Variants in LARGE1 observed in about 807,000 individuals in gnomAD.
LARGE1 encodes the protein LARGE xylosyl- and glucuronyltransferase 1, also known as xylosyl- and glucuronyltransferase LARGE1.
A neutral mutation model predicts 87.6 loss-of-function variants in LARGE1; 43 were observed. The observed-to-expected ratio is 0.49, with a 90% CI of 0.38 to 0.63. The LOEUF (loss-of-function observed/expected upper bound fraction) is 0.63, where lower values mean the gene tolerates loss of function less well. LARGE1 is among the 30% of genes least tolerant of loss of function. The pLI is 0.00. For missense variants in LARGE1, 802 were observed against 1,000.2 expected, an observed-to-expected ratio of 0.80 and a Z score of 2.67; for synonymous variants, 434 against 394.6, an observed-to-expected ratio of 1.10 and a Z score of -1.18.
intron 3 of LARGE1, among the ~76,000 whole-genome samples, chr22:33,644,864 G>A (rs1025974136): frequency 2.0e-5 from 3 of 152,050 alleles, no homozygotes; most frequent in Non-Finnish European, 4.4e-5. Flanking sequence ...GGGTTATGAA[G>A]GACCTCTTCA....
At chr22:33,173,308 A>G (rs952923260) in intron 11 of LARGE1, among the ~76,000 whole-genome samples, 4 of 152,190 alleles carry the variant, frequency 2.6e-5, no homozygotes, top group Admixed American at 2.0e-4. Flanking sequence ...AAATGCTGAG[A>G]GATTGTCACC....
chr22:33,471,075 T>C (rs1041125394), intron 6 of LARGE1, among the ~76,000 whole-genome samples: 7 of 149,656 alleles, frequency 4.7e-5, no homozygotes, highest in African/African-American at 1.7e-4. Flanking sequence ...ACTCCTAGGC[T>C]GGAGTAAGGT....
At chr22:33,592,757 G>A (rs1343058554) in intron 5 of LARGE1, among the ~76,000 whole-genome samples, 2 of 151,996 alleles carry the variant, frequency 1.3e-5, no homozygotes, top group Non-Finnish European at 2.9e-5. Context: ...ACTTTTTTGG[G>A]TGGCTTGCAA....
At chr22:33,081,749 C>G in the LARGE1 span, among the ~76,000 whole-genome samples, 1 of 152,152 alleles carries the variant, frequency 6.6e-6, no homozygotes, top group Non-Finnish European at 1.5e-5. Flanking sequence ...CTGGGAACAT[C>G]TGACAAATAT....
chr22:33,920,797 C>A (rs2065926008), upstream of LARGE1, among the ~76,000 whole-genome samples: 1 of 144,938 alleles, frequency 6.9e-6, no homozygotes, highest in African/African-American at 2.5e-5. Flanking sequence ...CCCGGAGCGC[C>A]CGGCGCTCGG....
chr22:33,761,074 T>C (rs2084712324), intron 2 of LARGE1, among the ~76,000 whole-genome samples: 1 of 152,022 alleles, frequency 6.6e-6, no homozygotes, highest in Non-Finnish European at 1.5e-5. Context: ...AGCTCAGTAA[T>C]TTCTCCAGGG....
chr22:33,774,985 G>A (rs931983673), intron 1 of LARGE1, among the ~76,000 whole-genome samples: 3 of 152,148 alleles, frequency 2.0e-5, no homozygotes, highest in Non-Finnish European at 2.9e-5. Flanking sequence ...AATAGCAGCA[G>A]GAGTTAGTGG....
At chr22:33,316,503 G>C (rs570938966) in intron 10 of LARGE1, among the ~76,000 whole-genome samples, 2 of 152,222 alleles carry the variant, frequency 1.3e-5, no homozygotes, top group African/African-American at 4.8e-5. Context: ...CACTTTGGGA[G>C]GCCAAGGCGA....
At chr22:33,264,291 T>G (rs1927804563) in intron 11 of LARGE1, among the ~76,000 whole-genome samples, 1 of 152,196 alleles carries the variant, frequency 6.6e-6, no homozygotes, top group African/African-American at 2.4e-5. Flanking sequence ...GGATAAAAAG[T>G]CTCATCCTAA....
intron 12 of LARGE1, among the ~76,000 whole-genome samples, chr22:33,285,159 C>G (rs574264136): frequency 2.0e-5 from 3 of 152,268 alleles, no homozygotes; most frequent in African/African-American, 7.2e-5. Flanking sequence ...TTGGCCAGGA[C>G]CTAGGAATTC....
At chr22:33,074,544 G>A in the LARGE1 span, among the ~76,000 whole-genome samples, 4 of 151,978 alleles carry the variant, frequency 2.6e-5, no homozygotes, top group South Asian at 2.1e-4. Context: ...GTGTGGTGCC[G>A]CGTGCCTGTA....
rs1037080205 is a variant in LARGE1 at position 33,218,101 on chromosome 22, T to G, written c.1731-51269A>C. 3.3e-5 allele frequency among the ~76,000 whole-genome samples: 5 copies of G among 152,112 alleles called. No individual in the cohort carries two copies. The East Asian group carries it at 9.7e-4, about 29-fold the overall frequency. On this transcript the variant is annotated intron_variant, in intron 11 of 11. Transcript: ENST00000608642. The stretch of plus-strand genomic sequence containing the variant: ...CCTGCCACCATGCCCAGCTAATCTG[T>G]GTATTTTTAGTAGAGGTGGGATTTC...
intron 1 of LARGE1, among the ~76,000 whole-genome samples, chr22:33,918,430 A>C (rs2065849923): frequency 6.6e-6 from 1 of 152,156 alleles, no homozygotes; most frequent in Non-Finnish European, 1.5e-5. Flanking sequence ...TCTCTGTTCG[A>C]GTGAGTTTTC....
chr22:33,274,975 C>T lies in LARGE1; in HGVS notation c.2074-351G>A, dbSNP rs142365660. 3.4e-3 allele frequency among the ~76,000 whole-genome samples: 516 copies of T among 152,286 alleles called. 13 individuals are homozygous for T. In the South Asian group the frequency reaches 0.054, roughly 16 times the overall value. On this transcript the variant is annotated intron_variant, in intron 14 of 14. Transcript: ENST00000397394. Reference sequence around the variant, plus strand: ...TGATAAATAGATGTGAGCTCACACCCACATGGACAGTCTAGGATGACACAC... The same window carrying T: ...TGATAAATAGATGTGAGCTCACACCTACATGGACAGTCTAGGATGACACAC...
At chr22:33,118,628 T>C in the LARGE1 span, among the ~76,000 whole-genome samples, 67,940 of 151,930 alleles carry the variant, frequency 0.45, 18,171 homozygotes, top group African/African-American at 0.75. Context: ...AAATAGGTAG[T>C]GGCGGTCCTC....
At chr22:33,871,279 G>A (rs903524892) in intron 1 of LARGE1, among the ~76,000 whole-genome samples, 1 of 152,196 alleles carries the variant, frequency 6.6e-6, no homozygotes, top group Non-Finnish European at 1.5e-5. Context: ...GGTGTCTAGA[G>A]TACAAAGCAG....
At chr22:33,173,079 G>A (rs1448156052) in intron 11 of LARGE1, among the ~76,000 whole-genome samples, 4 of 152,144 alleles carry the variant, frequency 2.6e-5, no homozygotes, top group Non-Finnish European at 5.9e-5. Flanking sequence ...AGGTTGGAAT[G>A]AAGGAAAAAA....
chr22:33,365,292 T>C (rs186567027), intron 9 of LARGE1, among the ~76,000 whole-genome samples: 1 of 152,248 alleles, frequency 6.6e-6, no homozygotes, highest in Non-Finnish European at 1.5e-5. Flanking sequence ...TTTTTCAATA[T>C]AGTGCCAAAG....
intron 11 of LARGE1, among the ~76,000 whole-genome samples, chr22:33,212,990 C>T (rs1426882083): frequency 6.6e-6 from 1 of 151,170 alleles, no homozygotes; most frequent in Non-Finnish European, 1.5e-5. Context: ...TGCACTCCAG[C>T]CTGGGTGACA....
Sources: allele counts gnomAD v4.1 joint callset (sites outside exome capture counted in the v4.1 genomes callset), GRCh38; gene constraint gnomAD v4.1.1; transcripts MANE v1.5; gene names NCBI Gene and HGNC (gene_info 2026-07-23, HGNC 2026-07-21).